KPNA6: variants seen among roughly 807,000 people sequenced by gnomAD.
The protein encoded by KPNA6 is importin subunit alpha-7.
Under a neutral mutation model 72.0 loss-of-function variants are expected in KPNA6, and 9 were observed. The observed-to-expected ratio is 0.13, with a 90% CI of 0.08 to 0.22. KPNA6 has a LOEUF of 0.22. KPNA6 is among the 10% of genes least tolerant of loss of function. The pLI is 1.00. For missense variants in KPNA6, 374 were observed against 655.7 expected, an observed-to-expected ratio of 0.57 and a Z score of 4.69; for synonymous variants, 219 against 242.1, an observed-to-expected ratio of 0.90 and a Z score of 0.89.
At chr1:32,108,777 C>T (rs1373883313) in intron 1 of KPNA6, among the ~76,000 whole-genome samples, 2 of 152,182 alleles carry the variant, frequency 1.3e-5, no homozygotes, top group Non-Finnish European at 2.9e-5. Flanking sequence ...GTCCTCTTGG[C>T]CATCTTTAGG....
chr1:32,128,807 A>G (rs994515571), intron 1 of KPNA6, among the ~76,000 whole-genome samples: 4 of 152,050 alleles, frequency 2.6e-5, no homozygotes, highest in African/African-American at 9.7e-5. Flanking sequence ...TCTCTGAGAG[A>G]AATTCAGGAA....
chr1:32,147,033 T>TA (rs894615639), intron 1 of KPNA6, among the ~76,000 whole-genome samples: 3 of 151,834 alleles, frequency 2.0e-5, no homozygotes, highest in African/African-American at 7.3e-5. Context: ...TTTTTATATA[T>TA]TTTTTTGCAG....
chr1:32,167,853 C>CAAAAAAA (rs376077938), intron 12 of KPNA6, among the ~76,000 whole-genome samples: 1 of 80,046 alleles, frequency 1.2e-5, no homozygotes, highest in African/African-American at 3.9e-5. Context: ...GAGTCTGTCA[C>CAAAAAAA]AAAAAAAAAA....
At chr1:32,110,819 C>T (rs1196046996) in intron 1 of KPNA6, among the ~76,000 whole-genome samples, 1 of 152,152 alleles carries the variant, frequency 6.6e-6, no homozygotes, top group African/African-American at 2.4e-5. Flanking sequence ...ATTGCTTGAA[C>T]CCGGGAGGCG....
At chr1:32,109,935 G>A (rs997202733) in intron 1 of KPNA6, among the ~76,000 whole-genome samples, 1 of 151,888 alleles carries the variant, frequency 6.6e-6, no homozygotes, top group Non-Finnish European at 1.5e-5. Context: ...GATTACAAGC[G>A]TGAGCCACCA....
chr1:32,154,710 C>T lies in KPNA6; in HGVS notation c.127C>T (p.Arg43Ter), dbSNP rs1642105388. 6.2e-7 allele frequency: 1 copy of T among 1,613,852 alleles called. No individual in the cohort carries two copies. The highest frequency in any genetic ancestry group is 8.5e-7 in the Non-Finnish European group (1 of 1,179,900). Residue 43 changes from arginine (R) to a stop codon, truncating the protein, a stop_gained, in exon 2 of 14, where the codon CGA becomes TGA. Coordinates refer to ENST00000373625, the MANE Select transcript of KPNA6 (RefSeq NM_012316.5). LOFTEE classifies it high-confidence loss of function. ...EEGIQLRKQK[R>*]EQQLFKRRNV... ...GGGCATTCAGCTCCGGAAGCAGAAG[C>T]GAGAGCAACAAGTGAGTTAATGGGA... is the stretch of plus-strand genomic sequence containing the variant.
intron 1 of KPNA6, among the ~76,000 whole-genome samples, chr1:32,125,984 A>C (rs1024004801): frequency 4.1e-5 from 6 of 147,014 alleles, no homozygotes; most frequent in Middle Eastern, 3.2e-3. Flanking sequence ...TTTACTAAAA[A>C]AAAAAAAAAA....
At chr1:32,152,120 G>T (rs1642042704) in intron 1 of KPNA6, among the ~76,000 whole-genome samples, 1 of 151,992 alleles carries the variant, frequency 6.6e-6, no homozygotes, top group Non-Finnish European at 1.5e-5. Flanking sequence ...GTTGAGGACA[G>T]GAGTTCAAGA....
chr1:32,153,588 AAAG>A (rs148412161), intron 1 of KPNA6, among the ~76,000 whole-genome samples: 9,365 of 147,456 alleles, frequency 0.064, 251 homozygotes, highest in East Asian at 0.1. Flanking sequence ...AAAAAAAAAA[AAAG>A]AAGAAAAATA....
chr1:32,165,719 C>T (rs936727439), intron 10 of KPNA6, among the ~76,000 whole-genome samples: 2 of 151,874 alleles, frequency 1.3e-5, no homozygotes, highest in African/African-American at 2.4e-5. Context: ...AAAATGAAGC[C>T]GGGCACAGTG....
At chr1:32,160,522 A>T in intron 6 of KPNA6, 93 bp from the exon 7 acceptor site, 1 of 933,260 alleles carries the variant, frequency 1.1e-6, no homozygotes, top group East Asian at 2.5e-5. Context: ...CATCATTCTC[A>T]TCCTGGTGGG....
chr1:32,141,824 C>T (rs2124015882), intron 1 of KPNA6, among the ~76,000 whole-genome samples: 1 of 152,264 alleles, frequency 6.6e-6, no homozygotes, highest in African/African-American at 2.4e-5. Context: ...TGATATCAGA[C>T]ACTGGCAGGA....
At chr1:32,127,256 A>G (rs1256091847) in intron 1 of KPNA6, among the ~76,000 whole-genome samples, 2 of 152,178 alleles carry the variant, frequency 1.3e-5, no homozygotes, top group Admixed American at 1.3e-4. Context: ...TGCTCTTTTC[A>G]CTACATCATG....
chr1:32,152,745 T>C (rs888677519), intron 1 of KPNA6, among the ~76,000 whole-genome samples: 8 of 152,022 alleles, frequency 5.3e-5, no homozygotes, highest in Admixed American at 4.6e-4. Flanking sequence ...CTCGGGAGGC[T>C]GAGGCAGGAA....
At chr1:32,153,200 G>A (rs1557477008) in intron 1 of KPNA6, among the ~76,000 whole-genome samples, 1 of 151,952 alleles carries the variant, frequency 6.6e-6, no homozygotes, top group Non-Finnish European at 1.5e-5. Flanking sequence ...AGGTTCTCAG[G>A]AACAAAAGAG....
chr1:32,170,101 G>GT (rs1245374626), intron 13 of KPNA6, 41 bp downstream of exon 13: 70 of 1,571,278 alleles, frequency 4.5e-5, no homozygotes, highest in Non-Finnish European at 5.8e-5. Flanking sequence ...ACCTGAGACT[G>GT]TAGGCCTCCA....
At chr1:32,136,124 A>C (rs769210163) in intron 1 of KPNA6, among the ~76,000 whole-genome samples, 61 of 152,084 alleles carry the variant, frequency 4.0e-4, no homozygotes, top group Non-Finnish European at 7.1e-4. Flanking sequence ...GTTTTTCAAA[A>C]ATTAAACAAA....
At chr1:32,148,576 T>C (rs1290868994) in intron 1 of KPNA6, among the ~76,000 whole-genome samples, 1 of 150,504 alleles carries the variant, frequency 6.6e-6, no homozygotes, top group African/African-American at 2.4e-5. Context: ...TTTTCTTTTT[T>C]TTTTTTTGAG....
intron 1 of KPNA6, among the ~76,000 whole-genome samples, chr1:32,111,084 A>G (rs1057490157): frequency 6.6e-6 from 1 of 152,144 alleles, no homozygotes; most frequent in Non-Finnish European, 1.5e-5. Context: ...CAGTGAAAAA[A>G]ATTTAGGGGG....
Sources: allele counts gnomAD v4.1 joint callset (sites outside exome capture counted in the v4.1 genomes callset), GRCh38; gene constraint gnomAD v4.1.1; transcripts MANE v1.5; gene names NCBI Gene and HGNC (gene_info 2026-07-23, HGNC 2026-07-21).